Variants in TAFA1 observed in about 807,000 individuals in gnomAD.
The protein encoded by TAFA1 is TAFA chemokine like family member 1.
A neutral mutation model predicts 18.5 loss-of-function variants in TAFA1; 4 were observed. The ratio of observed to expected loss-of-function variants is 0.22; its 90% CI spans 0.11 to 0.49. TAFA1 has a LOEUF of 0.49. Ranked by LOEUF, TAFA1 falls within the 20% of genes least tolerant of loss-of-function variation. The probability of loss-of-function intolerance (pLI) is 0.98; values close to 1 mark genes in which losing one functional copy is unlikely to be tolerated. For synonymous variants in TAFA1, 56 were observed against 55.2 expected (o/e 1.01, Z -0.06); for missense variants, 147 against 169.0 (o/e 0.87, Z 0.72).
intron 2 of TAFA1, among the ~76,000 whole-genome samples, chr3:68,063,277 C>A (rs796557480): frequency 6.6e-6 from 1 of 152,128 alleles, no homozygotes; most frequent in Admixed American, 6.6e-5. Context: ...ATTACCCAGG[C>A]CCCAGTCACT....
intron 3 of TAFA1, among the ~76,000 whole-genome samples, chr3:68,474,053 C>T (rs540408425): frequency 3.4e-5 from 5 of 146,824 alleles, no homozygotes; most frequent in African/African-American, 1.0e-4. Flanking sequence ...TGTATCACCC[C>T]CCCCCCCAAG....
At chr3:68,296,830 G>C (rs545347656) in intron 2 of TAFA1, among the ~76,000 whole-genome samples, 50 of 152,278 alleles carry the variant, frequency 3.3e-4, no homozygotes, top group Middle Eastern at 3.4e-3. Flanking sequence ...TCACTGGGGA[G>C]ACCTGTTCAT....
At chr3:67,996,006 G>A in the TAFA1 span, among the ~76,000 whole-genome samples, 1 of 152,202 alleles carries the variant, frequency 6.6e-6, no homozygotes, top group Non-Finnish European at 1.5e-5. Flanking sequence ...TATGTGCCAG[G>A]TACATTGCCA....
At chr3:68,219,353 T>A (rs547602920) in intron 2 of TAFA1, among the ~76,000 whole-genome samples, 21 of 152,268 alleles carry the variant, frequency 1.4e-4, no homozygotes, top group Admixed American at 2.6e-4. Context: ...ATATAGACAT[T>A]ATTGAACTGA....
chr3:68,131,112 A>G (rs2065530987), intron 2 of TAFA1, among the ~76,000 whole-genome samples: 1 of 152,182 alleles, frequency 6.6e-6, no homozygotes, highest in South Asian at 2.1e-4. Context: ...GAATGAGTGA[A>G]TTGGTGAGTT....
chr3:68,380,339 G>T (rs1415393246), intron 2 of TAFA1, among the ~76,000 whole-genome samples: 1 of 152,094 alleles, frequency 6.6e-6, no homozygotes, highest in Non-Finnish European at 1.5e-5. Context: ...TGAGGAATTG[G>T]CACACCGACT....
chr3:68,136,519 A>G (rs1464011251), intron 2 of TAFA1, among the ~76,000 whole-genome samples: 4 of 152,154 alleles, frequency 2.6e-5, no homozygotes, highest in South Asian at 4.1e-4. Context: ...GACAAGTTGC[A>G]TGCCACTGTT....
intron 2 of TAFA1, among the ~76,000 whole-genome samples, chr3:68,386,078 A>G (rs769653683): frequency 1.3e-5 from 2 of 152,150 alleles, no homozygotes; most frequent in African/African-American, 2.4e-5. Flanking sequence ...TACTTTCACT[A>G]TCTGGCCCTT....
intron 2 of TAFA1, among the ~76,000 whole-genome samples, chr3:68,131,930 G>T (rs1394774011): frequency 2.0e-5 from 3 of 151,456 alleles, no homozygotes; most frequent in Non-Finnish European, 4.4e-5. Context: ...ACATGTACAT[G>T]CAGGTTTGTT....
chr3:68,007,667 G>C (rs994812041), intron 2 of TAFA1, among the ~76,000 whole-genome samples: 4 of 137,318 alleles, frequency 2.9e-5, no homozygotes, highest in Non-Finnish European at 6.2e-5. Context: ...GGGACCAGTT[G>C]CGCGCCCAAG....
At chr3:68,461,186 G>T (rs1382255868) in intron 3 of TAFA1, among the ~76,000 whole-genome samples, 1 of 151,760 alleles carries the variant, frequency 6.6e-6, no homozygotes, top group East Asian at 1.9e-4. Flanking sequence ...GGAGGCTGAG[G>T]CATGAAAATC....
chr3:68,289,979 G>T (rs941614789), intron 2 of TAFA1, among the ~76,000 whole-genome samples: 2 of 152,322 alleles, frequency 1.3e-5, no homozygotes, highest in Non-Finnish European at 2.9e-5. Flanking sequence ...CAGGTGCCTT[G>T]ACTCTTATGC....
At chr3:68,533,268 G>A (rs921636531) in intron 3 of TAFA1, among the ~76,000 whole-genome samples, 4 of 152,040 alleles carry the variant, frequency 2.6e-5, no homozygotes, top group African/African-American at 9.7e-5. Context: ...CATGGCAGAA[G>A]GTGAAAAGCA....
intron 2 of TAFA1, among the ~76,000 whole-genome samples, chr3:68,088,208 T>C (rs2064993275): frequency 6.6e-6 from 1 of 152,220 alleles, no homozygotes; most frequent in Non-Finnish European, 1.5e-5. Context: ...AAAGCATCCA[T>C]AGCCTATATT....
chr3:68,072,129 T>C (rs1210622747), intron 2 of TAFA1, among the ~76,000 whole-genome samples: 1 of 152,244 alleles, frequency 6.6e-6, no homozygotes, highest in Admixed American at 6.5e-5. Flanking sequence ...AGTGGTTTAA[T>C]ATTTTCTCTC....
chr3:68,098,729 G>A (rs538420707), intron 2 of TAFA1, among the ~76,000 whole-genome samples: 4 of 152,044 alleles, frequency 2.6e-5, no homozygotes, highest in African/African-American at 9.7e-5. Flanking sequence ...GAACAAGGAG[G>A]TATCACATTA....
At chr3:68,465,498 C>T (rs2071871493) in intron 3 of TAFA1, among the ~76,000 whole-genome samples, 1 of 152,138 alleles carries the variant, frequency 6.6e-6, no homozygotes, top group South Asian at 2.1e-4. Flanking sequence ...TCCAGTTCTT[C>T]ATAATTGAAA....
intron 2 of TAFA1, among the ~76,000 whole-genome samples, chr3:68,180,739 A>G (rs931364633): frequency 6.8e-6 from 1 of 147,656 alleles, no homozygotes. Context: ...TGGTCACCAG[A>G]ATAGCAACAT....
At chr3:68,196,751 C>T (rs761699545) in intron 2 of TAFA1, among the ~76,000 whole-genome samples, 1 of 151,740 alleles carries the variant, frequency 6.6e-6, no homozygotes, top group Non-Finnish European at 1.5e-5. Flanking sequence ...AGATGGCCAC[C>T]ATCCATGCCT....
Sources: gnomAD v4.1 joint callset for allele counts (sites outside exome capture counted in the v4.1 genomes callset) on GRCh38, gnomAD v4.1.1 for gene constraint, MANE v1.5 for transcripts, NCBI Gene and HGNC (gene_info 2026-07-23, HGNC 2026-07-21) for gene names.